The following MORC1 variants were observed in gnomAD, a reference collection of about 807,000 sequenced individuals.
The protein encoded by MORC1 is MORC family CW-type zinc finger 1.
MORC1 carries 59 observed loss-of-function variants against 134.9 expected under a neutral mutation model. That is an observed-to-expected ratio of 0.44 (90% CI 0.35 to 0.54). The LOEUF (loss-of-function observed/expected upper bound fraction) is 0.54. Ranked by LOEUF, MORC1 falls within the 20% of genes least tolerant of loss-of-function variation. The pLI is 0.00. For synonymous variants in MORC1, 395 were observed against 391.7 expected (o/e 1.01, Z -0.10); for missense variants, 947 against 1,134.5 (o/e 0.83, Z 2.37).
At chr3:109,114,594 G>C (rs1401897321) in intron 1 of MORC1, among the ~76,000 whole-genome samples, 157 bp from the exon 2 acceptor site, 1 of 152,114 alleles carries the variant, frequency 6.6e-6, no homozygotes, top group Non-Finnish European at 1.5e-5. Flanking sequence ...TCAAGATTCG[G>C]AACTAGATAC....
At chr3:109,102,777 A>G (rs1950954003) in intron 4 of MORC1, among the ~76,000 whole-genome samples, 1 of 152,234 alleles carries the variant, frequency 6.6e-6, no homozygotes, top group African/African-American at 2.4e-5. Context: ...ATTCAAAAAA[A>G]TGAACTTAAT....
At chr3:109,049,979 A>G (rs934247720) in intron 14 of MORC1, among the ~76,000 whole-genome samples, 7 of 152,096 alleles carry the variant, frequency 4.6e-5, no homozygotes, top group Admixed American at 4.6e-4. Context: ...TTAAACAAAG[A>G]CTGAAGAGAG....
intron 12 of MORC1, among the ~76,000 whole-genome samples, chr3:109,059,263 C>G (rs1950026980): frequency 6.6e-6 from 1 of 152,114 alleles, no homozygotes. Context: ...TTAACTTCTT[C>G]AGCATTTGAG....
At chr3:109,021,558 C>T (rs1247843355) in intron 17 of MORC1, among the ~76,000 whole-genome samples, 4 of 152,194 alleles carry the variant, frequency 2.6e-5, no homozygotes, top group Admixed American at 2.6e-4. Context: ...TCTGTGAAAC[C>T]CAGGAGTAGA....
At chr3:108,964,049 T>C (rs1947152756) in intron 26 of MORC1, among the ~76,000 whole-genome samples, 1 of 152,244 alleles carries the variant, frequency 6.6e-6, no homozygotes, top group African/African-American at 2.4e-5. Flanking sequence ...GATGATGTAG[T>C]GTTACTTGTA....
At chr3:109,031,792 T>C (rs1949247249) in intron 16 of MORC1, among the ~76,000 whole-genome samples, 1 of 152,126 alleles carries the variant, frequency 6.6e-6, no homozygotes, top group Non-Finnish European at 1.5e-5. Context: ...ATCAGGACAG[T>C]TTTGCATTTA....
At chr3:109,105,539 C>A (rs865862598) in intron 3 of MORC1, among the ~76,000 whole-genome samples, 2 of 151,710 alleles carry the variant, frequency 1.3e-5, no homozygotes, top group Middle Eastern at 6.8e-3. Context: ...AATAGCCAGG[C>A]ATGGTGGCAC....
intron 14 of MORC1, among the ~76,000 whole-genome samples, chr3:109,040,407 G>GAAAGAAAGAAAGA (rs58166584): frequency 1.1e-4 from 3 of 26,276 alleles, no homozygotes; most frequent in Admixed American, 5.7e-4. Context: ...AGAAAGAGAA[G>GAAAGAAAGAAAGA]GAAGGAAGGA....
chr3:109,114,313 T>G (rs773586395), intron 2 of MORC1, 71 bp downstream of exon 2: 1 of 1,304,154 alleles, frequency 7.7e-7, no homozygotes, highest in Non-Finnish European at 1.1e-6. Flanking sequence ...TCTTTTTATC[T>G]TCCCATGTAA....
At chr3:109,059,341 T>C (rs979828011) in intron 12 of MORC1, among the ~76,000 whole-genome samples, 1 of 152,134 alleles carries the variant, frequency 6.6e-6, no homozygotes, top group East Asian at 1.9e-4. Context: ...CTATTTTCAT[T>C]TTTAGCGATA....
At position 109,079,461 on chromosome 3, in the gene MORC1, AAAAT is replaced by A. The variant is rs1378008589; in HGVS notation, c.690-9708_690-9705del. Among the ~76,000 whole-genome samples the A allele has an allele frequency of 2.6e-5, 4 of 152,102 alleles. No homozygotes were observed. In the East Asian group the frequency reaches 7.7e-4, roughly 29 times the overall value. On this transcript the variant is annotated intron_variant, in intron 8 of 27. Transcript: ENST00000232603. ...TAAGAATCACATTTCCTCACACAAAAAAATAAATAAAACAAAATGTACTCTATAA... is the reference window on the plus strand; with the variant it reads ...TAAGAATCACATTTCCTCACACAAAAAAATAAAACAAAATGTACTCTATAA...
intron 2 of MORC1, among the ~76,000 whole-genome samples, chr3:109,113,738 T>C (rs920099735): frequency 6.6e-6 from 1 of 151,868 alleles, no homozygotes; most frequent in Non-Finnish European, 1.5e-5. Context: ...TTAAACTGTT[T>C]AACGGGTTCC....
intron 21 of MORC1, among the ~76,000 whole-genome samples, chr3:108,996,733 G>A (rs112276155): frequency 3.8e-4 from 58 of 152,208 alleles, no homozygotes; most frequent in East Asian, 1.4e-3. Flanking sequence ...AAATGCGGCC[G>A]GGAGTAGTGG....
At chr3:108,973,665 C>G (rs1204180261) in intron 24 of MORC1, among the ~76,000 whole-genome samples, 1 of 145,358 alleles carries the variant, frequency 6.9e-6, no homozygotes, top group Non-Finnish European at 1.5e-5. Flanking sequence ...TGCGTGATCT[C>G]AGCTCACTGC....
Position 108,979,523 on chromosome 3 carries a change from A to C in MORC1, c.2469T>G (p.Ser823=). Residue 823 remains serine (S), a synonymous_variant, in exon 24 of 28, where the codon TCT becomes TCG. Transcript: ENST00000232603. ...PVKETVRKLK[S]KLREILLYFF... ...TGAGTAAATATCTTTACCTTAACTTAGACTTCAGTTTTCTCACTGTTTCCT... is the reference window on the plus strand; with the variant it reads ...TGAGTAAATATCTTTACCTTAACTTCGACTTCAGTTTTCTCACTGTTTCCT... 6.2e-7 allele frequency: 1 copy of C among 1,613,952 alleles called. No individual in the cohort carries two copies. Among genetic ancestry groups the C allele is most frequent in the Non-Finnish European group, 8.5e-7 (1 of 1,179,946 alleles).
rs553041020 is a variant in MORC1, at chr3:109,073,713, T to G, written c.690-3956A>C. 2.3e-3 allele frequency among the ~76,000 whole-genome samples: 346 copies of G among 152,282 alleles called. 1 individual carries two copies. Among genetic ancestry groups the G allele is most frequent in the Non-Finnish European group, 4.2e-3 (285 of 68,022 alleles). On this transcript the variant is annotated intron_variant, in intron 8 of 27. Coordinates refer to ENST00000232603, the MANE Select transcript of MORC1 (RefSeq NM_014429.4). The stretch of plus-strand genomic sequence containing the variant: ...CGTGAAAATATTACATAACCAAAAT[T>G]GTTTTCTAAATTACTCAAGTCCTTA...
intron 14 of MORC1, among the ~76,000 whole-genome samples, chr3:109,043,822 T>C (rs952983324): frequency 4.6e-5 from 7 of 152,174 alleles, no homozygotes; most frequent in Admixed American, 3.9e-4. Context: ...ATATGTTGTC[T>C]GAAATAAAAT....
At chr3:109,002,844 C>A (rs1266605758) in intron 20 of MORC1, among the ~76,000 whole-genome samples, 1 of 152,164 alleles carries the variant, frequency 6.6e-6, no homozygotes, top group East Asian at 1.9e-4. Flanking sequence ...CCTATAGTAC[C>A]TGCCCTACTC....
intron 16 of MORC1, 105 bp downstream of exon 16, chr3:109,032,615 T>C (rs1006424137): frequency 1.5e-4 from 113 of 757,542 alleles, no homozygotes; most frequent in Non-Finnish European, 2.2e-4. Context: ...AGATACCAGA[T>C]ACTAAGCTAA....
Sources: allele counts gnomAD v4.1 joint callset (sites outside exome capture counted in the v4.1 genomes callset), GRCh38; gene constraint gnomAD v4.1.1; transcripts MANE v1.5; gene names NCBI Gene and HGNC (gene_info 2026-07-23, HGNC 2026-07-21).